The following GPAM variants were observed in gnomAD, a reference collection of about 807,000 sequenced individuals.
GPAM encodes glycerol-3-phosphate acyltransferase, mitochondrial.
In GPAM, 56 loss-of-function variants were observed where a neutral mutation model predicts 105.0. That is an observed-to-expected ratio of 0.53 (90% CI 0.43 to 0.67). The LOEUF (loss-of-function observed/expected upper bound fraction) is 0.67. Ranked by LOEUF, GPAM falls within the 30% of genes least tolerant of loss-of-function variation. The pLI, the probability that GPAM is intolerant of heterozygous loss-of-function variation, is 0.00. For missense variants in GPAM, 855 were observed against 989.8 expected (o/e 0.86, Z 1.83); for synonymous variants, 368 against 354.4 (o/e 1.04, Z -0.43).
At position 112,151,306 on chromosome 10, in the gene GPAM, A is replaced by T. The variant is rs991726875; in HGVS notation, c.*2244T>A. ...CAAAACGGTGCTATCTGGAAGCTTC[A>T]TTGTGAAGATGCTTTCGTTTTTTTG... On this transcript the variant is annotated 3_prime_UTR_variant, in exon 22 of 22. Transcript: ENST00000348367. The T allele has an allele frequency of 1.0e-6, 1 of 985,158 alleles. No individual in the cohort carries two copies. Among genetic ancestry groups the T allele is most frequent in the African/African-American group, 1.7e-5 (1 of 57,214 alleles). 61.0% of individuals were successfully genotyped at this position (985,158 alleles called of 1,614,324 possible).
At position 112,153,517 on chromosome 10, in the gene GPAM, T is replaced by C. The variant is rs1190894812; in HGVS notation, c.*33A>G. ...TGGTACCTACAAGGAACTCATCTCA[T>C]GACCTTCATTTGCCAGCAGTGCCAC... On this transcript the variant is annotated 3_prime_UTR_variant, in exon 22 of 22. Transcript: ENST00000348367. The C allele has an allele frequency of 6.2e-7, 1 of 1,613,298 alleles. No individual in the cohort carries two copies. Among genetic ancestry groups the C allele is most frequent in the Non-Finnish European group, 8.5e-7 (1 of 1,179,484 alleles).
intron 1 of GPAM, among the ~76,000 whole-genome samples, chr10:112,204,387 C>T (rs1208285685): frequency 6.6e-6 from 1 of 151,168 alleles, no homozygotes; most frequent in Non-Finnish European, 1.5e-5. Context: ...GATATATCAG[C>T]ACTGGCTTGA....
chr10:112,150,067 A>G lies in GPAM; in HGVS notation c.*3483T>C. On this transcript the variant is annotated 3_prime_UTR_variant, in exon 22 of 22. Transcript: ENST00000348367. Reference sequence around the variant, plus strand: ...GGCAAATAGTTTAATACCTTCCATCAAGACATTTCAGAGCTCTAGACGTTT... The same window carrying G: ...GGCAAATAGTTTAATACCTTCCATCGAGACATTTCAGAGCTCTAGACGTTT... The G allele has an allele frequency of 1.0e-6, 1 of 984,954 alleles. No homozygotes were observed. Among genetic ancestry groups the G allele is most frequent in the Non-Finnish European group, 1.2e-6 (1 of 829,420 alleles). 61.0% of individuals were successfully genotyped at this position (984,954 alleles called of 1,614,324 possible).
upstream of GPAM, among the ~76,000 whole-genome samples, chr10:112,218,828 G>A (rs1191534413): frequency 6.6e-6 from 1 of 152,158 alleles, no homozygotes; most frequent in South Asian, 2.1e-4. Flanking sequence ...AAACTGTCAT[G>A]GTGCACGTGG....
At chr10:112,199,634 C>T (rs1043119981) in intron 1 of GPAM, among the ~76,000 whole-genome samples, 30 of 152,164 alleles carry the variant, frequency 2.0e-4, no homozygotes, top group African/African-American at 2.4e-5. Context: ...TCTGTTCTCA[C>T]GCTGCTGATA....
the GPAM span, among the ~76,000 whole-genome samples, chr10:112,223,984 C>T: frequency 6.6e-6 from 1 of 152,146 alleles, no homozygotes; most frequent in African/African-American, 2.4e-5. Context: ...ATAGACCTGA[C>T]TAATCCATCA....
chr10:112,196,429 C>G (rs1847725145), intron 1 of GPAM, among the ~76,000 whole-genome samples: 1 of 152,100 alleles, frequency 6.6e-6, no homozygotes, highest in South Asian at 2.1e-4. Flanking sequence ...TATAAAAGCT[C>G]AAATATTTTC....
chr10:112,203,510 C>A lies in GPAM; in HGVS notation n.210+11658G>T, dbSNP rs564472360. Among the ~76,000 whole-genome samples, 7 of 152,306 alleles carry A rather than the reference C, an allele frequency of 4.6e-5. No individual in the cohort carries two copies. The South Asian group carries it at 6.2e-4, about 14-fold the overall frequency. Reference sequence around the variant, plus strand: ...TAGTTACTAAGGCTTTCCCACTCTGCCCCTTTCTAAGCCTTTTTTCTTGTC... The same window carrying A: ...TAGTTACTAAGGCTTTCCCACTCTGACCCTTTCTAAGCCTTTTTTCTTGTC... On this transcript the variant is annotated intron_variant and non_coding_transcript_variant, in intron 1 of 3. Transcript: ENST00000480130.
rs142118176 is a variant in GPAM, at chr10:112,163,759, T to G, written c.1365A>C (p.Ala455=). 3 of 1,607,600 alleles carry G rather than the reference T, an allele frequency of 1.9e-6. No individual in the cohort carries two copies. The highest frequency in any genetic ancestry group is 1.7e-6 in the Non-Finnish European group (2 of 1,174,136). The change falls in exon 14 of 22, where the codon GCA becomes GCC. Residue 455 remains alanine, a synonymous_variant. Coordinates refer to ENST00000348367, the MANE Select transcript of GPAM (RefSeq NM_001244949.2). ...RDTSINESRN[A]TDESLRRRLI... ...ACCTCCTTCGTAGGGATTCATCTGTTGCATTTCTGGACTCATTAATGGACG... is the reference window on the plus strand; with the variant it reads ...ACCTCCTTCGTAGGGATTCATCTGTGGCATTTCTGGACTCATTAATGGACG...
chr10:112,151,731 A>C lies in GPAM; in HGVS notation c.*1819T>G. 1 of 985,236 alleles carries C rather than the reference A, an allele frequency of 1.0e-6. No individual in the cohort carries two copies. The highest frequency in any genetic ancestry group is 1.2e-6 in the Non-Finnish European group (1 of 829,778). The allele number at this position is 985,236 out of a possible 1,614,324, so 61.0% of individuals were successfully genotyped here. On this transcript the variant is annotated 3_prime_UTR_variant, in exon 22 of 22. Coordinates refer to ENST00000348367, the MANE Select transcript of GPAM (RefSeq NM_001244949.2). The stretch of plus-strand genomic sequence containing the variant: ...TGAGCTTGAGTAATCCTTAATTTAC[A>C]ATTTAAAGGATGAAAAAAAGAGACT...
chr10:112,210,450 C>T (rs1194991403), intron 1 of GPAM, among the ~76,000 whole-genome samples: 4 of 152,128 alleles, frequency 2.6e-5, no homozygotes, highest in African/African-American at 4.8e-5. Flanking sequence ...CAGGCATCGT[C>T]GGCTAAAACA....
At chr10:112,222,404 A>G in the GPAM span, among the ~76,000 whole-genome samples, 49,684 of 151,998 alleles carry the variant, frequency 0.33, 9,426 homozygotes, top group African/African-American at 0.51. Context: ...TGACTCATCA[A>G]TGCCTATAAC....
In GPAM at chr10:112,165,348, G is replaced by A. The variant is rs188076087; in HGVS notation, c.1222-738C>T. 7.9e-5 allele frequency among the ~76,000 whole-genome samples: 12 copies of A among 152,246 alleles called. No homozygotes were observed. The East Asian group carries it at 2.3e-3, about 29-fold the overall frequency. ...TATCCTTTGGGATGTGTGGGTACTGGATTCTACACAATAGGACATAGAGAG... is the reference window on the plus strand; with the variant it reads ...TATCCTTTGGGATGTGTGGGTACTGAATTCTACACAATAGGACATAGAGAG... On this transcript the variant is annotated intron_variant, in intron 12 of 21. Transcript: ENST00000348367.
intron 1 of GPAM, among the ~76,000 whole-genome samples, chr10:112,204,124 G>A: frequency 6.6e-6 from 1 of 152,198 alleles, no homozygotes; most frequent in South Asian, 2.1e-4. Flanking sequence ...CCTCCAGGAG[G>A]AGCATGCTGC....
At chr10:112,196,303 C>T (rs923979194) in intron 1 of GPAM, among the ~76,000 whole-genome samples, 2 of 152,132 alleles carry the variant, frequency 1.3e-5, no homozygotes, top group Admixed American at 6.5e-5. Flanking sequence ...TAAGGTAGAA[C>T]CTCACTCATT....
intron 17 of GPAM, among the ~76,000 whole-genome samples, chr10:112,159,113 T>C (rs1847073547): frequency 6.6e-6 from 1 of 152,062 alleles, no homozygotes; most frequent in African/African-American, 2.4e-5. Flanking sequence ...TGTCTCATGA[T>C]AAATGCCTAA....
At chr10:112,225,258 A>T in the GPAM span, among the ~76,000 whole-genome samples, 1 of 152,204 alleles carries the variant, frequency 6.6e-6, no homozygotes, top group Non-Finnish European at 1.5e-5. Context: ...AAAATCCCAG[A>T]GGAGAGCCCA....
intron 1 of GPAM, among the ~76,000 whole-genome samples, chr10:112,204,650 G>A (rs1264231351): frequency 6.6e-6 from 1 of 151,790 alleles, no homozygotes; most frequent in Non-Finnish European, 1.5e-5. Context: ...AAAACAGGCT[G>A]TGGGCTGTTT....
chr10:112,181,466 T>C (rs1847506449), intron 3 of GPAM, among the ~76,000 whole-genome samples: 1 of 152,210 alleles, frequency 6.6e-6, no homozygotes, highest in African/African-American at 2.4e-5. Context: ...ATGATTATTT[T>C]GTTTTCTAAC....
Sources: allele counts gnomAD v4.1 joint callset (sites outside exome capture counted in the v4.1 genomes callset), GRCh38; gene constraint gnomAD v4.1.1; transcripts MANE v1.5; gene names NCBI Gene and HGNC (gene_info 2026-07-23, HGNC 2026-07-21).